MYO16: variants seen among roughly 807,000 people sequenced by gnomAD.
MYO16 encodes the protein unconventional myosin-XVI.
A neutral mutation model predicts 205.3 loss-of-function variants in MYO16; 94 were observed. That is an observed-to-expected ratio of 0.46 (90% CI 0.39 to 0.54). The LOEUF is 0.54. MYO16 is among the 20% of genes least tolerant of loss of function. The probability of loss-of-function intolerance (pLI) is 0.00; values close to 1 mark genes in which losing one functional copy is unlikely to be tolerated. For synonymous variants in MYO16, 988 were observed against 954.0 expected (o/e 1.04, Z -0.66); for missense variants, 2,315 against 2,387.5 (o/e 0.97, Z 0.63).
At chr13:108,517,904 C>G in the MYO16 span, among the ~76,000 whole-genome samples, 1 of 152,132 alleles carries the variant, frequency 6.6e-6, no homozygotes, top group Non-Finnish European at 1.5e-5. Context: ...TACTGTGTCA[C>G]TGGTACAAGG....
At chr13:108,704,800 A>G (rs1594225558) in intron 2 of MYO16, among the ~76,000 whole-genome samples, 1 of 152,108 alleles carries the variant, frequency 6.6e-6, no homozygotes, top group Non-Finnish European at 1.5e-5. Flanking sequence ...ACAATATCCA[A>G]TGCCAATAAA....
intron 34 of MYO16, among the ~76,000 whole-genome samples, chr13:109,201,093 T>C (rs1053531484): frequency 6.6e-6 from 1 of 152,196 alleles, no homozygotes; most frequent in African/African-American, 2.4e-5. Context: ...AATTGGTCTC[T>C]ATTTTCATAT....
At chr13:108,635,255 G>GA (rs2139364454) in intron 1 of MYO16, among the ~76,000 whole-genome samples, 1 of 152,230 alleles carries the variant, frequency 6.6e-6, no homozygotes, top group South Asian at 2.1e-4. Flanking sequence ...AGCCAACCCG[G>GA]AAACGTGCCT....
the MYO16 span, among the ~76,000 whole-genome samples, chr13:108,546,087 C>G: frequency 6.6e-6 from 1 of 152,158 alleles, no homozygotes; most frequent in Non-Finnish European, 1.5e-5. Context: ...TGCGTGAGTG[C>G]AGACCCTCAT....
chr13:108,546,066 C>A, the MYO16 span, among the ~76,000 whole-genome samples: 1 of 152,268 alleles, frequency 6.6e-6, no homozygotes, highest in South Asian at 2.1e-4. Context: ...CTGGCCTGTG[C>A]GGCACTGTTC....
intron 27 of MYO16, among the ~76,000 whole-genome samples, chr13:109,090,010 A>T (rs1888567087): frequency 6.6e-6 from 1 of 152,206 alleles, no homozygotes; most frequent in Non-Finnish European, 1.5e-5. Context: ...CAAGAATTGC[A>T]TGGGAAAGAC....
intron 1 of MYO16, among the ~76,000 whole-genome samples, chr13:108,652,790 C>T (rs1456075329): frequency 6.6e-6 from 1 of 152,146 alleles, no homozygotes; most frequent in Non-Finnish European, 1.5e-5. Flanking sequence ...TTTGTTTATC[C>T]ATTCATCTAT....
chr13:108,675,449 A>C (rs1217744644), intron 2 of MYO16, among the ~76,000 whole-genome samples: 1 of 152,256 alleles, frequency 6.6e-6, no homozygotes, highest in Non-Finnish European at 1.5e-5. Context: ...TCCTGTATGA[A>C]GTGAATGTAT....
chr13:108,607,641 G>A (rs1190073014), intron 1 of MYO16, among the ~76,000 whole-genome samples: 3 of 152,066 alleles, frequency 2.0e-5, no homozygotes, highest in East Asian at 3.9e-4. Flanking sequence ...CATAGCAGCA[G>A]GAAAATAAAC....
At chr13:109,111,680 T>G (rs191110185) in intron 28 of MYO16, among the ~76,000 whole-genome samples, 2 of 151,356 alleles carry the variant, frequency 1.3e-5, no homozygotes, top group African/African-American at 4.9e-5. Flanking sequence ...AATATTCCAA[T>G]GATTGTAGAC....
chr13:108,666,627 G>A (rs984388099), intron 2 of MYO16, among the ~76,000 whole-genome samples: 1 of 152,014 alleles, frequency 6.6e-6, no homozygotes, highest in African/African-American at 2.4e-5. Flanking sequence ...ATGATGATTT[G>A]GGGCTATGGA....
intron 6 of MYO16, among the ~76,000 whole-genome samples, chr13:108,806,131 A>T (rs190043920): frequency 8.0e-4 from 121 of 152,108 alleles, no homozygotes; most frequent in Non-Finnish European, 1.1e-3. Flanking sequence ...TTAAAAAAGA[A>T]ACTAAAACTG....
chr13:108,629,742 G>A lies in MYO16; in HGVS notation c.-103G>A. The A allele has an allele frequency of 2.7e-6, 3 of 1,101,682 alleles. No individual in the cohort carries two copies. Among genetic ancestry groups the A allele is most frequent in the Non-Finnish European group, 3.9e-6 (3 of 763,658 alleles). 68.2% of individuals were successfully genotyped at this position (1,101,682 alleles called of 1,614,324 possible). On this transcript the variant is annotated 5_prime_UTR_variant, in exon 1 of 35. Coordinates refer to ENST00000457511, the MANE Select transcript of MYO16 (RefSeq NM_001198950.3). ...GCAATAGTGCATCCTGAGGTAAACT[G>A]TTACCTGAGTAAGGGCTTTAAGTAA...
intron 34 of MYO16, among the ~76,000 whole-genome samples, chr13:109,184,971 C>T (rs1879624123): frequency 6.6e-6 from 1 of 152,086 alleles, no homozygotes; most frequent in Non-Finnish European, 1.5e-5. Flanking sequence ...GACGGGGTTT[C>T]ACCATGTTGG....
At chr13:108,982,651 G>A (rs943986629) in intron 20 of MYO16, among the ~76,000 whole-genome samples, 2 of 152,084 alleles carry the variant, frequency 1.3e-5, no homozygotes, top group African/African-American at 2.4e-5. Context: ...CCTATTCTGA[G>A]CCTACTACTT....
At chr13:108,715,317 C>T (rs1226772764) in intron 3 of MYO16, among the ~76,000 whole-genome samples, 5 of 152,198 alleles carry the variant, frequency 3.3e-5, no homozygotes, top group African/African-American at 2.4e-5. Flanking sequence ...AGGAGCAGCC[C>T]TCCCTGGCTT....
At chr13:108,643,966 T>C (rs537539755) in intron 1 of MYO16, among the ~76,000 whole-genome samples, 1 of 152,290 alleles carries the variant, frequency 6.6e-6, no homozygotes, top group East Asian at 1.9e-4. Context: ...ATGGGAAATA[T>C]TAGGTAAACC....
intron 11 of MYO16, among the ~76,000 whole-genome samples, chr13:108,865,098 G>A (rs376942424): frequency 1.1e-4 from 17 of 152,086 alleles, no homozygotes; most frequent in Middle Eastern, 3.4e-3. Context: ...TAATTCTACC[G>A]TAATAGAACA....
chr13:108,991,186 G>A (rs1013223250), intron 20 of MYO16, among the ~76,000 whole-genome samples: 2 of 152,004 alleles, frequency 1.3e-5, no homozygotes, highest in African/African-American at 2.4e-5. Flanking sequence ...TCATGCCGAC[G>A]TCCCCATGCT....
Sources: allele counts gnomAD v4.1 joint callset (sites outside exome capture counted in the v4.1 genomes callset), GRCh38; gene constraint gnomAD v4.1.1; transcripts MANE v1.5; gene names NCBI Gene and HGNC (gene_info 2026-07-23, HGNC 2026-07-21).